The following PLXDC2 variants were observed in gnomAD, a reference collection of about 807,000 sequenced individuals.
PLXDC2 encodes plexin domain-containing protein 2.
In PLXDC2, 40 loss-of-function variants were observed where a neutral mutation model predicts 68.9. The observed-to-expected ratio is 0.58, with a 90% CI of 0.45 to 0.76. The LOEUF (loss-of-function observed/expected upper bound fraction) is 0.76, where lower values mean the gene tolerates loss of function less well. PLXDC2 is among the 30% of genes least tolerant of loss of function. The probability of loss-of-function intolerance (pLI) is 0.00; values close to 1 mark genes in which losing one functional copy is unlikely to be tolerated. For missense variants in PLXDC2, 644 were observed against 661.9 expected, an observed-to-expected ratio of 0.97 and a Z score of 0.30; for synonymous variants, 243 against 234.2, an observed-to-expected ratio of 1.04 and a Z score of -0.34.
In PLXDC2 at chr10:20,287,505, G is replaced by A. The variant is rs142376654; in HGVS notation, c.*7686G>A. On this transcript the variant is annotated 3_prime_UTR_variant, in exon 14 of 14. Transcript: ENST00000377252. ...TTTGTGGTGAAGCCTCAGCCACCATGTTCAAGGTGGTTTGAATGAAAACAT... is the reference window on the plus strand; with the variant it reads ...TTTGTGGTGAAGCCTCAGCCACCATATTCAAGGTGGTTTGAATGAAAACAT... 104 of 152,144 alleles carry A rather than the reference G, an allele frequency of 6.8e-4. 1 individual carries two copies. Among genetic ancestry groups the A allele is most frequent in the African/African-American group, 2.3e-3 (97 of 41,556 alleles). 9.4% of individuals were successfully genotyped at this position (152,144 alleles called of 1,614,324 possible).
intron 1 of PLXDC2, among the ~76,000 whole-genome samples, chr10:19,823,070 C>T (rs1383766221): frequency 1.3e-5 from 2 of 152,030 alleles, no homozygotes; most frequent in South Asian, 2.1e-4. Context: ...CACCCGCCAC[C>T]ACGCCCAGCT....
intron 1 of PLXDC2, among the ~76,000 whole-genome samples, chr10:19,829,748 A>AG (rs1444897283): frequency 1.3e-5 from 2 of 152,136 alleles, no homozygotes; most frequent in Non-Finnish European, 2.9e-5. Flanking sequence ...ATTTAAAAAA[A>AG]AAGTCAAAAT....
chr10:20,021,732 C>G (rs975461994), intron 2 of PLXDC2, among the ~76,000 whole-genome samples: 7 of 148,936 alleles, frequency 4.7e-5, no homozygotes, highest in Non-Finnish European at 1.1e-4. Flanking sequence ...TGGAGTCTCA[C>G]TCTGTTGCCC....
chr10:19,987,783 C>T (rs6482075), intron 1 of PLXDC2, among the ~76,000 whole-genome samples: 1 of 151,640 alleles, frequency 6.6e-6, no homozygotes, highest in South Asian at 2.1e-4. Context: ...CCAGGATGGT[C>T]TCGATCGATC....
chr10:19,852,751 G>C (rs566138652), intron 1 of PLXDC2, among the ~76,000 whole-genome samples: 3 of 152,120 alleles, frequency 2.0e-5, no homozygotes, highest in African/African-American at 7.2e-5. Flanking sequence ...TTTTTATGAT[G>C]GAGTTTATTA....
At position 20,143,369 on chromosome 10, in the gene PLXDC2, T is replaced by A. The variant is rs575380190; in HGVS notation, c.616T>A (p.Phe206Ile). The change falls in exon 5 of 14, where the codon TTC (phenylalanine) becomes ATC (isoleucine). Residue 206 changes from phenylalanine to isoleucine, a missense_variant. This residue lies in a region of PLXDC2 where 113 missense variants were observed against 167.1 expected (regional missense o/e 0.68). Transcript: ENST00000377252. ...GTACATAGCACCTTTAATGGCAAATTTCGATCCCAGTGTATCCAGAAATTC... is the reference window on the plus strand; with the variant it reads ...GTACATAGCACCTTTAATGGCAAATATCGATCCCAGTGTATCCAGAAATTC... ...TQYIAPLMAN[F>I]DPSVSRNSTV... is the part of the protein sequence containing the mutation. 1 of 1,613,348 alleles carries A rather than the reference T, an allele frequency of 6.2e-7. No individual in the cohort carries two copies. Among genetic ancestry groups the A allele is most frequent in the Admixed American group, 1.7e-5 (1 of 60,006 alleles).
chr10:20,191,923 A>T (rs2131839760), intron 9 of PLXDC2, among the ~76,000 whole-genome samples: 1 of 152,192 alleles, frequency 6.6e-6, no homozygotes, highest in East Asian at 1.9e-4. Flanking sequence ...AATATTTATA[A>T]TAGCTACCTT....
chr10:19,832,952 G>A (rs1431845428), intron 1 of PLXDC2, among the ~76,000 whole-genome samples: 2 of 152,122 alleles, frequency 1.3e-5, no homozygotes, highest in Non-Finnish European at 1.5e-5. Flanking sequence ...ATTAACTCTC[G>A]AACCTCCATT....
intron 3 of PLXDC2, among the ~76,000 whole-genome samples, chr10:20,052,924 T>C (rs953009174): frequency 1.3e-4 from 20 of 151,936 alleles, no homozygotes; most frequent in African/African-American, 4.4e-4. Flanking sequence ...ACAAGAGATG[T>C]TTTACCTAGG....
intron 2 of PLXDC2, among the ~76,000 whole-genome samples, chr10:20,014,355 T>TTTCC (rs1176511314): frequency 3.3e-4 from 35 of 105,560 alleles, no homozygotes; most frequent in Non-Finnish European, 3.9e-4. Flanking sequence ...CCTCCTTCCC[T>TTTCC]TTCCTTCCTT....
At chr10:20,214,699 GT>G (rs1367479743) in intron 10 of PLXDC2, among the ~76,000 whole-genome samples, 1 of 152,060 alleles carries the variant, frequency 6.6e-6, no homozygotes, top group Non-Finnish European at 1.5e-5. Flanking sequence ...GAATCTACTT[GT>G]TTTGTTATAG....
At chr10:19,991,774 T>A (rs1365786905) in intron 1 of PLXDC2, among the ~76,000 whole-genome samples, 1 of 152,146 alleles carries the variant, frequency 6.6e-6, no homozygotes, top group Non-Finnish European at 1.5e-5. Flanking sequence ...GTGATTTGGG[T>A]CCGAGACATT....
At chr10:19,874,534 G>C (rs1837598910) in intron 1 of PLXDC2, among the ~76,000 whole-genome samples, 1 of 152,114 alleles carries the variant, frequency 6.6e-6, no homozygotes, top group Non-Finnish European at 1.5e-5. Flanking sequence ...TGCCCTCAGT[G>C]GACTGTAGGT....
intron 1 of PLXDC2, among the ~76,000 whole-genome samples, chr10:19,856,179 G>A (rs1837208306): frequency 6.6e-6 from 1 of 152,108 alleles, no homozygotes; most frequent in Non-Finnish European, 1.5e-5. Flanking sequence ...GAGGTATTTT[G>A]TCAATTCATA....
At chr10:20,178,725 A>AT (rs1834562349) in intron 9 of PLXDC2, among the ~76,000 whole-genome samples, 1 of 152,164 alleles carries the variant, frequency 6.6e-6, no homozygotes, top group South Asian at 2.1e-4. Context: ...TTTGGGAAAC[A>AT]TTTTTAACTC....
At position 20,188,854 on chromosome 10, in the gene PLXDC2, A is replaced by C. The variant is rs532792776; in HGVS notation, c.1061+11445A>C. On this transcript the variant is annotated intron_variant, in intron 9 of 13. Transcript: ENST00000377252. ...CTTTCTTTAGTTCTGAGTTGATATT[A>C]AATTATTGCTATCCAAGTGGTAATC... Among the ~76,000 whole-genome samples, 24 of 151,886 alleles carry C rather than the reference A, an allele frequency of 1.6e-4. No homozygotes were observed. In the South Asian group the frequency reaches 2.9e-3, roughly 18 times the overall value.
intron 13 of PLXDC2, among the ~76,000 whole-genome samples, chr10:20,260,377 CT>C (rs1442748688): frequency 1.3e-5 from 2 of 152,156 alleles, no homozygotes; most frequent in African/African-American, 2.4e-5. Flanking sequence ...TGCTCTGCCC[CT>C]GGTAACCACT....
At chr10:19,926,322 G>A (rs1441326923) in intron 1 of PLXDC2, among the ~76,000 whole-genome samples, 1 of 152,148 alleles carries the variant, frequency 6.6e-6, no homozygotes, top group African/African-American at 2.4e-5. Flanking sequence ...GGCCTCTGTT[G>A]CAGCTTAGTT....
At chr10:20,015,316 C>G (rs1208782101) in intron 2 of PLXDC2, among the ~76,000 whole-genome samples, 1 of 151,938 alleles carries the variant, frequency 6.6e-6, no homozygotes, top group South Asian at 2.1e-4. Context: ...TTTCCAAAGT[C>G]TCTAAAGAGA....
Sources: gnomAD v4.1 joint callset for allele counts (sites outside exome capture counted in the v4.1 genomes callset) on GRCh38, gnomAD v4.1.1 for gene constraint, gnomAD v4.1.1 regional missense constraint, MANE v1.5 for transcripts, NCBI Gene and HGNC (gene_info 2026-07-23, HGNC 2026-07-21) for gene names.